The following THG1L variants were observed in gnomAD, a reference collection of about 807,000 sequenced individuals.
The protein encoded by THG1L is tRNA-histidine guanylyltransferase 1 like, also known as probable tRNA(His) guanylyltransferase.
THG1L carries 27 observed loss-of-function variants against 35.2 expected under a neutral mutation model. That is an observed-to-expected ratio of 0.77 (90% CI 0.57 to 1.06). THG1L has a LOEUF of 1.06. Ranked by LOEUF, THG1L falls within the 50% of genes least tolerant of loss-of-function variation. THG1L has a pLI of 0.00. For missense variants in THG1L, 377 were observed against 371.8 expected (o/e 1.01, Z -0.12); for synonymous variants, 135 against 132.4 (o/e 1.02, Z -0.14).
At chr5:157,735,664 T>C (rs1055019154) in intron 3 of THG1L, among the ~76,000 whole-genome samples, 182 bp from the exon 4 acceptor site, 9 of 152,176 alleles carry the variant, frequency 5.9e-5, no homozygotes, top group Non-Finnish European at 1.3e-4. Context: ...AGGGATGAAG[T>C]TTTTTCCCTA....
chr5:157,734,230 A>G (rs1760806746), intron 2 of THG1L, among the ~76,000 whole-genome samples: 1 of 152,014 alleles, frequency 6.6e-6, no homozygotes, highest in South Asian at 2.1e-4. Context: ...TCTACTGAAA[A>G]TACAAAAATT....
chr5:157,732,416 C>G (rs922632911), intron 1 of THG1L, among the ~76,000 whole-genome samples: 1 of 151,824 alleles, frequency 6.6e-6, no homozygotes, highest in Admixed American at 6.6e-5. Flanking sequence ...ACACTGCACT[C>G]CAGCTTGGGT....
intron 2 of THG1L, among the ~76,000 whole-genome samples, chr5:157,734,081 C>T (rs986472989): frequency 6.6e-6 from 1 of 151,152 alleles, no homozygotes; most frequent in Non-Finnish European, 1.5e-5. Flanking sequence ...GAAGGAGAGG[C>T]AGGCTGCATT....
At chr5:157,732,071 G>A (rs1407036860) in intron 1 of THG1L, among the ~76,000 whole-genome samples, 1 of 152,042 alleles carries the variant, frequency 6.6e-6, no homozygotes, top group African/African-American at 2.4e-5. Flanking sequence ...CAGGCCACAT[G>A]GACTAGATTC....
In THG1L at chr5:157,739,307, AT is replaced by A. The variant is rs778531125; in HGVS notation, c.736-9del. On this transcript the variant is annotated splice_polypyrimidine_tract_variant and intron_variant, in intron 5 of 5. Transcript: ENST00000231198. ...CCTGACTTAACAATGTCACTACTTT[AT>A]TTTTACCTGTAGGTGGATGAAGTGA... 10 of 1,611,230 alleles carry A rather than the reference AT, an allele frequency of 6.2e-6. No homozygotes were observed. The highest frequency in any genetic ancestry group is 7.6e-6 in the Non-Finnish European group (9 of 1,178,822).
At chr5:157,732,224 A>G (rs1760743918) in intron 1 of THG1L, among the ~76,000 whole-genome samples, 1 of 107,998 alleles carries the variant, frequency 9.3e-6, no homozygotes, top group African/African-American at 3.4e-5. Flanking sequence ...ACAAAAAAAA[A>G]AAAAAAAAAA....
At position 157,737,999 on chromosome 5, in the gene THG1L, T is replaced by G. The variant is rs1203722721; in HGVS notation, c.735+5T>G. On this transcript the variant is annotated splice_donor_5th_base_variant and intron_variant, in intron 5 of 5. Coordinates refer to ENST00000231198, the MANE Select transcript of THG1L (RefSeq NM_017872.5). ...ACTGTGTTGATATGGCAGAAGGTAA[T>G]GCTGTTATGTTCAAAGAAAAATGGA... 1 of 1,603,140 alleles carries G rather than the reference T, an allele frequency of 6.2e-7. No individual in the cohort carries two copies. Among genetic ancestry groups the G allele is most frequent in the African/African-American group, 1.3e-5 (1 of 74,488 alleles).
intron 1 of THG1L, 35 bp downstream of exon 1, chr5:157,731,666 C>T: frequency 6.4e-7 from 1 of 1,571,738 alleles, no homozygotes; most frequent in Non-Finnish European, 8.6e-7. Flanking sequence ...CGCGATGCGC[C>T]AGCGCTTCCG....
chr5:157,735,218 G>A lies in THG1L; in HGVS notation c.538+473G>A, dbSNP rs183668172. ...CTCCCAAAGTGCTGGGATTATAGGC[G>A]TGAGCCACCACGCCCAGCCGCCTTA... On this transcript the variant is annotated intron_variant, in intron 3 of 5. Coordinates refer to ENST00000231198, the MANE Select transcript of THG1L (RefSeq NM_017872.5). Among the ~76,000 whole-genome samples, 1,131 of 152,162 alleles carry A rather than the reference G, an allele frequency of 7.4e-3. 8 individuals are homozygous for A. Among genetic ancestry groups the A allele is most frequent in the Middle Eastern group, 0.024 (7 of 294 alleles).
intron 2 of THG1L, among the ~76,000 whole-genome samples, chr5:157,733,391 TC>T (rs1289398746): frequency 2.0e-5 from 3 of 152,250 alleles, no homozygotes; most frequent in African/African-American, 7.2e-5. Context: ...ATTACACTGT[TC>T]CTCAAGACAG....
chr5:157,734,579 G>A lies in THG1L; in HGVS notation c.372G>A (p.Lys124=). 1.2e-6 allele frequency: 2 copies of A among 1,614,042 alleles called. No individual in the cohort carries two copies. Among genetic ancestry groups the A allele is most frequent in the Non-Finnish European group, 1.7e-6 (2 of 1,180,004 alleles). The change falls in exon 3 of 6, where the codon AAG becomes AAA. Residue 124 remains lysine, a synonymous_variant. Coordinates refer to ENST00000231198, the MANE Select transcript of THG1L (RefSeq NM_017872.5). ...KTNWFKRRAS[K]FMTHVASQFA... is the part of the protein sequence containing the mutation. ...CAATGTGCGTTACATTTTCAAGTAA[G>A]TTCATGACTCACGTGGCCTCCCAGT... is the stretch of plus-strand genomic sequence containing the variant.
rs372055284 is a variant in THG1L at position 157,731,596 on chromosome 5, G to A, written c.156G>A (p.Trp52Ter). ...ACGACACCTGCCTGGCACACTGCTGGGTGGTAGTGCGGCTGGACGGCCGGA... is the reference window on the plus strand; with the variant it reads ...ACGACACCTGCCTGGCACACTGCTGAGTGGTAGTGCGGCTGGACGGCCGGA... ...EADDTCLAHC[W>*]VVVRLDGRNF... The change falls in exon 1 of 6, where the codon TGG (tryptophan) becomes TGA (stop). Residue 52 changes from tryptophan to a stop codon, truncating the protein, a stop_gained. Coordinates refer to ENST00000231198, the MANE Select transcript of THG1L (RefSeq NM_017872.5). LOFTEE classifies it high-confidence loss of function. The A allele has an allele frequency of 1.9e-6, 3 of 1,605,490 alleles. No individual in the cohort carries two copies. Among genetic ancestry groups the A allele is most frequent in the Non-Finnish European group, 1.7e-6 (2 of 1,175,654 alleles).
Position 157,731,433 on chromosome 5 carries a change from C to A in THG1L, c.-8C>A. The A allele has an allele frequency of 6.3e-7, 1 of 1,580,936 alleles. No individual in the cohort carries two copies. The highest frequency in any genetic ancestry group is 8.6e-7 in the Non-Finnish European group (1 of 1,161,994). ...GGGCTATCTGGCCCTTTCCTTTCCGCGTGTAGAATGTGGGGCGCCTGTAAA... is the reference window on the plus strand; with the variant it reads ...GGGCTATCTGGCCCTTTCCTTTCCGAGTGTAGAATGTGGGGCGCCTGTAAA... On this transcript the variant is annotated 5_prime_UTR_variant, in exon 1 of 6. Coordinates refer to ENST00000231198, the MANE Select transcript of THG1L (RefSeq NM_017872.5).
At chr5:157,736,069 A>G in intron 4 of THG1L, 135 bp downstream of exon 4, 3 of 638,682 alleles carry the variant, frequency 4.7e-6, no homozygotes, top group Non-Finnish European at 8.2e-6. Context: ...GGATATAAAA[A>G]TCATAATAGG....
chr5:157,737,820 A>G, intron 4 of THG1L, 67 bp from the exon 5 acceptor site: 1 of 1,267,022 alleles, frequency 7.9e-7, no homozygotes, highest in Non-Finnish European at 1.1e-6. Context: ...TGTGGGTCGA[A>G]TGGATAGTAG....
intron 4 of THG1L, among the ~76,000 whole-genome samples, chr5:157,736,353 G>A (rs1332820911): frequency 6.6e-6 from 1 of 151,868 alleles, no homozygotes; most frequent in Non-Finnish European, 1.5e-5. Context: ...GTGCTCAAGC[G>A]ATTCTCGTGC....
chr5:157,732,563 G>T (rs918757888), intron 1 of THG1L, among the ~76,000 whole-genome samples: 1 of 152,160 alleles, frequency 6.6e-6, no homozygotes, highest in Non-Finnish European at 1.5e-5. Context: ...CTTACTAGGA[G>T]CTAGGTATGA....
At chr5:157,732,773 T>C in intron 1 of THG1L, 95 bp from the exon 2 acceptor site, 1 of 1,457,684 alleles carries the variant, frequency 6.9e-7, no homozygotes, top group South Asian at 1.3e-5. Context: ...GCTATTACAT[T>C]ATCTTCCTCC....
chr5:157,739,730 C>T lies in THG1L; in HGVS notation c.*248C>T, dbSNP rs1008892792. 17 of 347,666 alleles carry T rather than the reference C, an allele frequency of 4.9e-5. No individual in the cohort carries two copies. The highest frequency in any genetic ancestry group is 1.5e-3 in the Middle Eastern group (2 of 1,344). The allele number at this position is 347,666 out of a possible 1,614,324, so 21.5% of individuals were successfully genotyped here. A position where few individuals can be genotyped will look rare whatever the true frequency, so the allele number is the denominator to read the frequency against. ...TTGGCAGAAGTGCTTTTTTTTTAAT[C>T]GCAGTACTATTTTTATAAAGCAAGA... is the stretch of plus-strand genomic sequence containing the variant. On this transcript the variant is annotated 3_prime_UTR_variant, in exon 6 of 6. Coordinates refer to ENST00000231198, the MANE Select transcript of THG1L (RefSeq NM_017872.5).
Sources: allele counts gnomAD v4.1 joint callset (sites outside exome capture counted in the v4.1 genomes callset), GRCh38; gene constraint gnomAD v4.1.1; transcripts MANE v1.5; gene names NCBI Gene and HGNC (gene_info 2026-07-23, HGNC 2026-07-21).